YTHDC1: variants seen among roughly 807,000 people sequenced by gnomAD.
YTHDC1 encodes YTH N6-methyladenosine RNA binding protein C1, also known as YTH domain-containing protein 1.
YTHDC1 carries 12 observed loss-of-function variants against 107.0 expected under a neutral mutation model. That is an observed-to-expected ratio of 0.11 (90% CI 0.07 to 0.18). The LOEUF is 0.18. Among genes scored for constraint, YTHDC1 ranks in the 10% least tolerant of loss-of-function variants. The probability of loss-of-function intolerance (pLI) is 1.00; values close to 1 mark genes in which losing one functional copy is unlikely to be tolerated. For missense variants in YTHDC1, 635 were observed against 898.8 expected, an observed-to-expected ratio of 0.71 and a Z score of 3.75; for synonymous variants, 280 against 289.5, an observed-to-expected ratio of 0.97 and a Z score of 0.33.
At chr4:68,321,614 A>G (rs1260961816) in intron 11 of YTHDC1, among the ~76,000 whole-genome samples, 1 of 152,174 alleles carries the variant, frequency 6.6e-6, no homozygotes, top group Non-Finnish European at 1.5e-5. Context: ...TAAAACTTCA[A>G]AAGACATCTT....
Position 68,341,397 on chromosome 4 carries a change from A to G in YTHDC1, c.29-3013T>C, listed in dbSNP as rs552210076. On this transcript the variant is annotated intron_variant, in intron 1 of 16. Coordinates refer to ENST00000344157, the MANE Select transcript of YTHDC1 (RefSeq NM_001031732.4). ...ACATTTAAAATCTACTGAAATATTC[A>G]AAATCAACTATAACACCCTCACTTA... 1.1e-4 allele frequency among the ~76,000 whole-genome samples: 17 copies of G among 152,320 alleles called. No individual in the cohort carries two copies. The East Asian group carries it at 3.1e-3, about 28-fold the overall frequency.
intron 4 of YTHDC1, among the ~76,000 whole-genome samples, chr4:68,335,091 C>A (rs1045724599): frequency 3.3e-5 from 5 of 152,048 alleles, no homozygotes; most frequent in African/African-American, 1.2e-4. Flanking sequence ...CAATGAAAAT[C>A]ATCTAATAAA....
intron 1 of YTHDC1, among the ~76,000 whole-genome samples, chr4:68,341,797 T>C (rs1291508533): frequency 6.6e-6 from 1 of 152,180 alleles, no homozygotes; most frequent in African/African-American, 2.4e-5. Flanking sequence ...AGGTTATAGC[T>C]TGCATTTAGG....
chr4:68,325,139 T>G (rs1397488053), intron 9 of YTHDC1, among the ~76,000 whole-genome samples: 1 of 152,212 alleles, frequency 6.6e-6, no homozygotes, highest in African/African-American at 2.4e-5. Context: ...ATGAAACTGT[T>G]CAGCCAAAGT....
At chr4:68,349,661 C>A in intron 1 of YTHDC1, 65 bp downstream of exon 1, 1 of 733,742 alleles carries the variant, frequency 1.4e-6, no homozygotes, top group Non-Finnish European at 2.2e-6. Flanking sequence ...ACGACGACCA[C>A]TGCTCCATCA....
chr4:68,329,508 G>A (rs777039165), intron 9 of YTHDC1, among the ~76,000 whole-genome samples: 3 of 152,136 alleles, frequency 2.0e-5, no homozygotes, highest in African/African-American at 7.2e-5. Context: ...ATACTTCAGT[G>A]TGCAGTAAGG....
At chr4:68,344,640 C>T (rs28535230) in intron 1 of YTHDC1, among the ~76,000 whole-genome samples, 2 of 152,108 alleles carry the variant, frequency 1.3e-5, no homozygotes, top group African/African-American at 2.4e-5. Context: ...AGTATAATCA[C>T]GTGTGAATGT....
rs748967846 is a variant in YTHDC1 at position 68,337,769 on chromosome 4, T to C, written c.262A>G (p.Lys88Glu). The C allele has an allele frequency of 1.9e-6, 3 of 1,614,076 alleles. No homozygotes were observed. In the African/African-American group the frequency reaches 4.0e-5, roughly 22 times the overall value. The change falls in exon 3 of 17, where the codon AAA becomes GAA. Residue 88 changes from lysine to glutamate, a missense_variant. This residue lies in a region of YTHDC1 where 294 missense variants were observed against 312.3 expected (regional missense o/e 0.94). Coordinates refer to ENST00000344157, the MANE Select transcript of YTHDC1 (RefSeq NM_001031732.4). ...VSNNKRIVST[K>E]GKSATEYKNE... ...TTATACTCTGTGGCTGACTTTCCTT[T>C]TGTACTAACTATTCTTTTGTTATTG...
Position 68,313,824 on chromosome 4 carries a change from A to G in YTHDC1, c.*275T>C. ...GGATGAACACACTATAAGAACATTT[A>G]TGGAGAAAGAATCAGTATCTACATT... On this transcript the variant is annotated 3_prime_UTR_variant, in exon 17 of 17. Coordinates refer to ENST00000344157, the MANE Select transcript of YTHDC1 (RefSeq NM_001031732.4). 2.2e-6 allele frequency: 1 copy of G among 453,118 alleles called. No individual in the cohort carries two copies. The highest frequency in any genetic ancestry group is 3.7e-5 in the East Asian group (1 of 27,268). 28.1% of individuals were successfully genotyped at this position (453,118 alleles called of 1,614,324 possible). A position where few individuals can be genotyped will look rare whatever the true frequency, so the allele number is the denominator to read the frequency against.
chr4:68,335,978 T>C (rs1003464757), intron 4 of YTHDC1, among the ~76,000 whole-genome samples: 2 of 149,148 alleles, frequency 1.3e-5, no homozygotes, highest in South Asian at 2.1e-4. Flanking sequence ...GTAGTATAGA[T>C]ATATACTATC....
intron 16 of YTHDC1, among the ~76,000 whole-genome samples, chr4:68,314,718 T>C (rs1258041340): frequency 2.0e-5 from 3 of 152,258 alleles, no homozygotes; most frequent in Non-Finnish European, 2.9e-5. Flanking sequence ...AATGTTTTTC[T>C]GGCACAGGCT....
At position 68,349,777 on chromosome 4, in the gene YTHDC1, T is replaced by C. The variant is rs1317950449; in HGVS notation, c.-24A>G. On this transcript the variant is annotated 5_prime_UTR_variant, in exon 1 of 17. Coordinates refer to ENST00000344157, the MANE Select transcript of YTHDC1 (RefSeq NM_001031732.4). ...ATGGCTCCCCTTCGGTTTCCGCCGC[T>C]GCCACCGCCGCCGCCGCTTAGACGC... 6.2e-7 allele frequency: 1 copy of C among 1,611,530 alleles called. No individual in the cohort carries two copies. Among genetic ancestry groups the C allele is most frequent in the Non-Finnish European group, 8.5e-7 (1 of 1,179,470 alleles).
intron 1 of YTHDC1, among the ~76,000 whole-genome samples, chr4:68,341,793 T>C (rs1398773053): frequency 2.6e-5 from 4 of 152,176 alleles, no homozygotes; most frequent in Non-Finnish European, 4.4e-5. Context: ...ATGCAGGTTA[T>C]AGCTTGCATT....
At chr4:68,324,553 A>C (rs1722777726) in intron 9 of YTHDC1, among the ~76,000 whole-genome samples, 1 of 152,244 alleles carries the variant, frequency 6.6e-6, no homozygotes, top group Admixed American at 6.5e-5. Flanking sequence ...CGCAGTTTGC[A>C]AATGAAATGA....
chr4:68,341,072 T>C (rs964217002), intron 1 of YTHDC1, among the ~76,000 whole-genome samples: 1 of 152,124 alleles, frequency 6.6e-6, no homozygotes, highest in Non-Finnish European at 1.5e-5. Context: ...TTTATCACTT[T>C]TAAAATATAT....
intron 10 of YTHDC1, among the ~76,000 whole-genome samples, chr4:68,323,811 G>A (rs779407017): frequency 7.9e-5 from 12 of 152,088 alleles, no homozygotes; most frequent in African/African-American, 2.4e-4. Context: ...TATACTAAAC[G>A]GCAATTCTAA....
intron 1 of YTHDC1, among the ~76,000 whole-genome samples, chr4:68,348,512 G>C (rs1397985926): frequency 6.8e-6 from 1 of 146,854 alleles, no homozygotes; most frequent in Non-Finnish European, 1.5e-5. Flanking sequence ...AGATTTTTTA[G>C]CATTTAGTTT....
rs752786829 is a variant in YTHDC1, at chr4:68,318,511, A to C, written c.1824+8T>G. 1 of 1,606,578 alleles carries C rather than the reference A, an allele frequency of 6.2e-7. No homozygotes were observed. The highest frequency in any genetic ancestry group is 1.3e-5 in the African/African-American group (1 of 74,570). ...TTATGTAACTTATAAAAATAGAATA[A>C]TACAAACCATTCCTTGCCAAGGTGG... On this transcript the variant is annotated splice_region_variant and intron_variant, in intron 15 of 16. Transcript: ENST00000344157.
intron 4 of YTHDC1, among the ~76,000 whole-genome samples, chr4:68,334,656 A>G (rs1234762208): frequency 1.3e-5 from 2 of 152,136 alleles, no homozygotes; most frequent in Non-Finnish European, 2.9e-5. Context: ...CAGTAGTCTA[A>G]GCATTATGAA....
Sources: gnomAD v4.1 joint callset for allele counts (sites outside exome capture counted in the v4.1 genomes callset) on GRCh38, gnomAD v4.1.1 for gene constraint, gnomAD v4.1.1 regional missense constraint, MANE v1.5 for transcripts, NCBI Gene and HGNC (gene_info 2026-07-23, HGNC 2026-07-21) for gene names.